The following CYP19A1 variants were observed in gnomAD, a reference collection of about 807,000 sequenced individuals.
The protein encoded by CYP19A1 is aromatase.
CYP19A1 carries 32 observed loss-of-function variants against 44.4 expected under a neutral mutation model. That is an observed-to-expected ratio of 0.72 (90% CI 0.54 to 0.97). The LOEUF (loss-of-function observed/expected upper bound fraction) is 0.97, where lower values mean the gene tolerates loss of function less well. CYP19A1 is among the 50% of genes least tolerant of loss of function. The pLI, the probability that CYP19A1 is intolerant of heterozygous loss-of-function variation, is 0.00. For missense variants in CYP19A1, 598 were observed against 637.8 expected (o/e 0.94, Z 0.67); for synonymous variants, 212 against 215.6 (o/e 0.98, Z 0.14).
chr15:51,320,738 G>A (rs2036513047), intron 1 of CYP19A1, among the ~76,000 whole-genome samples: 1 of 152,174 alleles, frequency 6.6e-6, no homozygotes, highest in African/African-American at 2.4e-5. Context: ...GTCCAATGGA[G>A]ATAGAATGTG....
At chr15:51,301,847 CA>C (rs1194833825) in intron 1 of CYP19A1, among the ~76,000 whole-genome samples, 4 of 152,160 alleles carry the variant, frequency 2.6e-5, no homozygotes, top group African/African-American at 9.7e-5. Context: ...AAAGATAAAA[CA>C]AAACTTATTC....
rs377522409 is a variant in CYP19A1, at chr15:51,210,785, G to A, written c.*23C>T. On this transcript the variant is annotated 3_prime_UTR_variant, in exon 10 of 10. Transcript: ENST00000396402. ...TGAACTACTGATGAGAAATGCTCCA[G>A]AGTGGGTACTGACCAGCCTTCTCTA... 2.1e-6 allele frequency: 3 copies of A among 1,436,760 alleles called. No homozygotes were observed. Among genetic ancestry groups the A allele is most frequent in the Non-Finnish European group, 2.9e-6 (3 of 1,017,230 alleles). 89.0% of individuals were successfully genotyped at this position (1,436,760 alleles called of 1,614,324 possible).
intron 1 of CYP19A1, among the ~76,000 whole-genome samples, chr15:51,252,225 C>T (rs1372470628): frequency 1.3e-5 from 2 of 152,148 alleles, no homozygotes; most frequent in African/African-American, 2.4e-5. Context: ...ATCCAGTGAA[C>T]GTGGTGGAAT....
At chr15:51,235,164 A>G (rs1226055527) in intron 3 of CYP19A1, among the ~76,000 whole-genome samples, 4 of 152,252 alleles carry the variant, frequency 2.6e-5, no homozygotes, top group African/African-American at 9.6e-5. Flanking sequence ...AGAACGTATC[A>G]AGAACGTATC....
intron 1 of CYP19A1, among the ~76,000 whole-genome samples, chr15:51,310,477 G>A (rs950726452): frequency 6.6e-6 from 1 of 152,128 alleles, no homozygotes; most frequent in Non-Finnish European, 1.5e-5. Context: ...AAAAGTGTGG[G>A]GAAAATCTTT....
intron 1 of CYP19A1, among the ~76,000 whole-genome samples, chr15:51,284,383 T>C (rs1054486011): frequency 9.9e-5 from 15 of 152,230 alleles, no homozygotes; most frequent in African/African-American, 3.1e-4. Context: ...ATGGGTATCA[T>C]TGGCGTAGGA....
At chr15:51,281,676 T>C (rs1375556734) in intron 1 of CYP19A1, among the ~76,000 whole-genome samples, 2 of 151,782 alleles carry the variant, frequency 1.3e-5, no homozygotes, top group Admixed American at 1.3e-4. Flanking sequence ...CCAGAGGTAA[T>C]GGCCAAGTTT....
intron 1 of CYP19A1, among the ~76,000 whole-genome samples, chr15:51,285,888 C>A (rs2035682117): frequency 6.6e-6 from 1 of 152,188 alleles, no homozygotes; most frequent in South Asian, 2.1e-4. Context: ...GACTTCGTCA[C>A]CACCAAGGCC....
rs1168382183 is a variant in CYP19A1, at chr15:51,210,906, G to A, written c.1414C>T (p.Gln472Ter). ...TLQGQCVESI[Q>*]KIHDLSLHPD... The stretch of plus-strand genomic sequence containing the variant: ...TGCAAGGACAAGTCGTGTATCTTCT[G>A]TATGCTCTCAACACACTGTCCTTGC... The change falls in exon 10 of 10, where the codon CAG becomes TAG. Residue 472 changes from glutamine to a stop codon, truncating the protein, a stop_gained. Coordinates refer to ENST00000396402, the MANE Select transcript of CYP19A1 (RefSeq NM_000103.4). LOFTEE classifies it low-confidence loss of function (END_TRUNC). 1.3e-6 allele frequency: 2 copies of A among 1,598,654 alleles called. No individual in the cohort carries two copies. Among genetic ancestry groups the A allele is most frequent in the Non-Finnish European group, 1.7e-6 (2 of 1,166,078 alleles).
intron 1 of CYP19A1, chr15:51,320,964 A>T (rs572366989): frequency 3.3e-5 from 5 of 152,242 alleles, no homozygotes; most frequent in Non-Finnish European, 7.3e-5. Context: ...CTCAATTCAG[A>T]CCAGCCACAC....
intron 3 of CYP19A1, among the ~76,000 whole-genome samples, chr15:51,231,571 T>C (rs2033035154): frequency 6.6e-6 from 1 of 151,992 alleles, no homozygotes; most frequent in Non-Finnish European, 1.5e-5. Flanking sequence ...GCTTATTCTG[T>C]GCTTGCACCT....
At chr15:51,279,280 A>G (rs897593697) in intron 1 of CYP19A1, among the ~76,000 whole-genome samples, 7 of 152,216 alleles carry the variant, frequency 4.6e-5, no homozygotes, top group Non-Finnish European at 7.3e-5. Flanking sequence ...CCTCAGCTTT[A>G]TTGGGAGGGC....
At chr15:51,276,263 G>A (rs116963518) in intron 1 of CYP19A1, among the ~76,000 whole-genome samples, 4 of 152,198 alleles carry the variant, frequency 2.6e-5, no homozygotes, top group South Asian at 2.1e-4. Context: ...GTCCATCTTC[G>A]TCAGATGGCT....
chr15:51,211,677 C>T (rs1355002570), intron 9 of CYP19A1: 2 of 444,222 alleles, frequency 4.5e-6, no homozygotes, highest in South Asian at 3.2e-5. Context: ...CATGTTTCTA[C>T]ACCATATGCA....
chr15:51,228,658 C>G (rs1056257153), intron 3 of CYP19A1, among the ~76,000 whole-genome samples: 2 of 152,200 alleles, frequency 1.3e-5, no homozygotes, highest in African/African-American at 4.8e-5. Flanking sequence ...TCCCACGACA[C>G]AGGATGTGAT....
In CYP19A1 at chr15:51,210,907, T is replaced by C. The variant is rs1374586985; in HGVS notation, c.1413A>G (p.Ile471Met). 5.0e-6 allele frequency: 8 copies of C among 1,600,440 alleles called. 1 individual carries two copies. In the African/African-American group the frequency reaches 5.4e-5, roughly 11 times the overall value. The change falls in exon 10 of 10, where the codon ATA (isoleucine) becomes ATG (methionine). Residue 471 changes from isoleucine to methionine, a missense_variant. Coordinates refer to ENST00000396402, the MANE Select transcript of CYP19A1 (RefSeq NM_000103.4). ...GCAAGGACAAGTCGTGTATCTTCTG[T>C]ATGCTCTCAACACACTGTCCTTGCA... ...KTLQGQCVES[I>M]QKIHDLSLHP...
intron 6 of CYP19A1, among the ~76,000 whole-genome samples, chr15:51,218,256 C>T (rs2031756843): frequency 6.6e-6 from 1 of 152,190 alleles, no homozygotes; most frequent in Admixed American, 6.6e-5. Flanking sequence ...TTCTCTTCAA[C>T]TCAAAATACA....
At position 51,211,015 on chromosome 15, in the gene CYP19A1, A is replaced by G; in HGVS notation, c.1305T>C (p.Arg435=). 1 of 1,588,448 alleles carries G rather than the reference A, an allele frequency of 6.3e-7. No individual in the cohort carries two copies. Among genetic ancestry groups the G allele is most frequent in the African/African-American group, 1.3e-5 (1 of 74,464 alleles). ...TGGCGATGTACTTTCCTGCACAGCC[A>G]CGGGGCCCAAAGCCAAATGGCTGAA... The part of the protein sequence containing the change: ...RYFQPFGFGP[R]GCAGKYIAMV... Residue 435 remains arginine (R), a synonymous_variant, in exon 10 of 10, where the codon CGT becomes CGC. Transcript: ENST00000396402.
chr15:51,271,302 C>T (rs994495696), intron 1 of CYP19A1, among the ~76,000 whole-genome samples: 3 of 152,100 alleles, frequency 2.0e-5, no homozygotes, highest in African/African-American at 4.8e-5. Context: ...ACCAGGCCTG[C>T]GAGTCACCTA....
Sources: allele counts gnomAD v4.1 joint callset (sites outside exome capture counted in the v4.1 genomes callset), GRCh38; gene constraint gnomAD v4.1.1; transcripts MANE v1.5; gene names NCBI Gene and HGNC (gene_info 2026-07-23, HGNC 2026-07-21).